RNF135: variants seen among roughly 807,000 people sequenced by gnomAD.
RNF135 encodes the protein ring finger protein 135, also known as E3 ubiquitin-protein ligase RNF135.
A neutral mutation model predicts 41.9 loss-of-function variants in RNF135; 46 were observed. The observed-to-expected ratio is 1.10, with a 90% CI of 0.87 to 1.40. The LOEUF is 1.40. Ranked by LOEUF, RNF135 falls within the 40% of genes most tolerant of loss-of-function variation. RNF135 has a pLI of 0.00. For synonymous variants in RNF135, 238 were observed against 223.8 expected, an observed-to-expected ratio of 1.06 and a Z score of -0.57; for missense variants, 539 against 549.8, an observed-to-expected ratio of 0.98 and a Z score of 0.20.
At chr17:30,979,615 G>C (rs1906840815) in intron 1 of RNF135, among the ~76,000 whole-genome samples, 1 of 124,268 alleles carries the variant, frequency 8.0e-6, no homozygotes, top group East Asian at 2.6e-4. Flanking sequence ...CGGCCGGGCA[G>C]AGGCGCCCCT....
At chr17:30,975,168 A>G (rs557617932) in intron 1 of RNF135, among the ~76,000 whole-genome samples, 17 of 151,902 alleles carry the variant, frequency 1.1e-4, no homozygotes, top group African/African-American at 3.6e-4. Flanking sequence ...AAAAAAAAAG[A>G]AAAAAGAAGC....
rs1214507203 is a variant in RNF135 at position 30,979,532 on chromosome 17, ACCCCCCCCCCCCG to A, written c.373-5082_373-5070del. ...CCCTCCCGGACGGGGCAGCTGGCCG[ACCCCCCCCCCCCG>A]CCTCCCTCCCGGACGGGGCGGCTGG... On this transcript the variant is annotated intron_variant, in intron 1 of 4. Transcript: ENST00000328381. Among the ~76,000 whole-genome samples the A allele has an allele frequency of 8.7e-3, 22 of 2,526 alleles. 1 individual carries two copies. Among genetic ancestry groups the A allele is most frequent in the African/African-American group, 0.014 (22 of 1,582 alleles). The allele number at this position is 2,526 out of a possible 152,430, so 1.7% of individuals were successfully genotyped here.
the RNF135 span, among the ~76,000 whole-genome samples, chr17:30,963,845 A>G: frequency 6.6e-6 from 1 of 151,948 alleles, no homozygotes; most frequent in Non-Finnish European, 1.5e-5. Context: ...GCCAGATGTG[A>G]TGGCTCATGT....
At chr17:30,963,598 GC>G in the RNF135 span, among the ~76,000 whole-genome samples, 3 of 151,868 alleles carry the variant, frequency 2.0e-5, no homozygotes, top group African/African-American at 7.3e-5. Context: ...TGGGTGGTTT[GC>G]TTTTTCTACT....
At chr17:30,979,531 GAC>G (rs1491139600) in intron 1 of RNF135, among the ~76,000 whole-genome samples, 2 of 20,136 alleles carry the variant, frequency 9.9e-5, no homozygotes, top group African/African-American at 5.4e-4. Context: ...GCAGCTGGCC[GAC>G]CCCCCCCCCC....
intron 2 of RNF135, among the ~76,000 whole-genome samples, chr17:30,985,105 T>G (rs996577479): frequency 6.6e-6 from 1 of 152,284 alleles, no homozygotes; most frequent in South Asian, 2.1e-4. Context: ...CATTCTTAGC[T>G]TTTGGGACAG....
At chr17:30,979,898 G>A (rs1183240707) in intron 1 of RNF135, among the ~76,000 whole-genome samples, 3 of 121,850 alleles carry the variant, frequency 2.5e-5, no homozygotes, top group African/African-American at 3.2e-5. Flanking sequence ...GCGGCTGGCC[G>A]GGCAGAGGGG....
rs1405233699 is a variant in RNF135, at chr17:30,971,409, G to C, written c.336G>C (p.Ala112=). Residue 112 remains alanine, a synonymous_variant, in exon 1 of 5, where the codon GCG becomes GCC. Coordinates refer to ENST00000328381, the MANE Select transcript of RNF135 (RefSeq NM_032322.4). ...PCPGSSSLSS[A]AARPRRRPEL... Reference sequence around the variant, plus strand: ...CGGGCTCCAGTTCCCTCTCCAGCGCGGCCGCGAGGCCCCGGCGCCGCCCGG... The same window carrying C: ...CGGGCTCCAGTTCCCTCTCCAGCGCCGCCGCGAGGCCCCGGCGCCGCCCGG... 6.6e-7 allele frequency: 1 copy of C among 1,517,294 alleles called. No homozygotes were observed. The highest frequency in any genetic ancestry group is 1.4e-5 in the African/African-American group (1 of 69,510). The allele number at this position is 1,517,294 out of a possible 1,614,324, so 94.0% of individuals were successfully genotyped here. A position where few individuals can be genotyped will look rare whatever the true frequency, so the allele number is the denominator to read the frequency against.
At chr17:30,966,668 T>A (rs1418824699), upstream of RNF135, among the ~76,000 whole-genome samples, 2 of 150,888 alleles carry the variant, frequency 1.3e-5, no homozygotes, top group Non-Finnish European at 3.0e-5. Flanking sequence ...GCTAATTTTT[T>A]TTTTTTTTTT....
At chr17:30,992,533 A>G (rs553772557) in intron 3 of RNF135, among the ~76,000 whole-genome samples, 1 of 151,696 alleles carries the variant, frequency 6.6e-6, no homozygotes, top group South Asian at 2.1e-4. Context: ...TGGTGCGATC[A>G]TGGCTCACCC....
rs915095403 is a variant in RNF135, at chr17:30,971,100, C to G, written c.27C>G (p.Ala9=). Residue 9 remains alanine (A), a synonymous_variant, in exon 1 of 5, where the codon GCC becomes GCG. Transcript: ENST00000328381. MAGLGLGS[A]VPVWLAEDDL... ...TGGCGGGCCTGGGCCTGGGCTCCGC[C>G]GTTCCCGTGTGGCTGGCCGAGGACG... 1 of 1,534,356 alleles carries G rather than the reference C, an allele frequency of 6.5e-7. No individual in the cohort carries two copies. Among genetic ancestry groups the G allele is most frequent in the African/African-American group, 1.4e-5 (1 of 73,106 alleles).
At chr17:30,978,902 T>G (rs1906703363) in intron 1 of RNF135, 1 of 180,884 alleles carries the variant, frequency 5.5e-6, no homozygotes, top group African/African-American at 2.6e-5. Flanking sequence ...CAGCACATGT[T>G]TCAGAGAGCA....
In RNF135 at chr17:30,988,023, ATAT is replaced by A. The variant is rs1907710172; in HGVS notation, c.598_600del (p.Ile200del). ...GACACAGCTGCAGGGAAAATCAGAG[ATAT>A]TCTCCATGACCTAGAAGAAATTCAG... On this transcript the variant is annotated inframe_deletion, in exon 3 of 5. Transcript: ENST00000328381. 6.2e-7 allele frequency: 1 copy of A among 1,614,046 alleles called. No homozygotes were observed. The highest frequency in any genetic ancestry group is 1.3e-5 in the African/African-American group (1 of 75,040).
Position 30,999,001 on chromosome 17 carries a change from C to G in RNF135, c.1109C>G (p.Ser370Ter). The G allele has an allele frequency of 6.2e-7, 1 of 1,614,150 alleles. No homozygotes were observed. Among genetic ancestry groups the G allele is most frequent in the Non-Finnish European group, 8.5e-7 (1 of 1,180,034 alleles). Residue 370 changes from serine (S) to a stop codon, truncating the protein, a stop_gained, in exon 5 of 5, where the codon TCA becomes TGA. Transcript: ENST00000328381. LOFTEE classifies it high-confidence loss of function. Reference protein sequence around the residue: ...WHMVKETVLGSDRPGVVGIWL... With the variant: ...WHMVKETVLG ...ATGGTCAAGGAAACTGTCCTTGGCT[C>G]AGACAGACCTGGGGTGGTGGGCATC...
At chr17:30,990,988 G>A (rs1470515867) in intron 3 of RNF135, among the ~76,000 whole-genome samples, 3 of 152,114 alleles carry the variant, frequency 2.0e-5, no homozygotes, top group Non-Finnish European at 4.4e-5. Context: ...TGTTTCATAT[G>A]GGTGTAGATA....
Position 30,984,680 on chromosome 17 carries a change from G to A in RNF135, c.436G>A (p.Val146Ile). ...QELTELVEHL[V>I]DIVRSLQNQR... ...GCTGACAGAGCTGGTGGAACATCTT[G>A]TAGACATTGTCAGAAGCCTGCAGAA... Residue 146 changes from valine (V) to isoleucine (I), a missense_variant, in exon 2 of 5, where the codon GTA (valine) becomes ATA (isoleucine). By Grantham distance (29) the Val-to-Ile change is conservative (BLOSUM62 3). Transcript: ENST00000328381. 6.2e-7 allele frequency: 1 copy of A among 1,614,142 alleles called. No individual in the cohort carries two copies. Among genetic ancestry groups the A allele is most frequent in the Non-Finnish European group, 8.5e-7 (1 of 1,180,030 alleles).
upstream of RNF135, among the ~76,000 whole-genome samples, chr17:30,966,393 A>ATT (rs1905551312): frequency 1.6e-5 from 2 of 125,908 alleles, no homozygotes; most frequent in African/African-American, 1.0e-4. Flanking sequence ...GTTTTATTTT[A>ATT]TTATTTTTTT....
intron 3 of RNF135, among the ~76,000 whole-genome samples, chr17:30,996,176 G>A (rs1486396479): frequency 5.0e-5 from 7 of 140,826 alleles, no homozygotes; most frequent in East Asian, 2.1e-4. Context: ...TGCAAACTCC[G>A]CCTCCCAGGT....
rs141629478 is a variant in RNF135, at chr17:30,986,622, T to C, written c.517-1322T>C. 5.8e-3 allele frequency among the ~76,000 whole-genome samples: 876 copies of C among 152,294 alleles called. 8 individuals carry two copies. Among genetic ancestry groups the C allele is most frequent in the South Asian group, 0.011 (55 of 4,824 alleles). ...GATAAATCCATCTTTAGGGATGCGA[T>C]GTGTTGGGATAGAAACGCTGAGAGT... On this transcript the variant is annotated intron_variant, in intron 2 of 4. Transcript: ENST00000328381.
Sources: gnomAD v4.1 joint callset for allele counts (sites outside exome capture counted in the v4.1 genomes callset) on GRCh38, gnomAD v4.1.1 for gene constraint, MANE v1.5 for transcripts, NCBI Gene and HGNC (gene_info 2026-07-23, HGNC 2026-07-21) for gene names.